WDR27: variants seen among roughly 807,000 people sequenced by gnomAD.
The protein encoded by WDR27 is WD repeat-containing protein 27.
WDR27 carries 100 observed loss-of-function variants against 114.4 expected under a neutral mutation model. The observed-to-expected ratio is 0.87, with a 90% CI of 0.74 to 1.03. WDR27 has a LOEUF of 1.03. Among genes scored for constraint, WDR27 ranks in the 50% least tolerant of loss-of-function variants. The pLI is 0.00. For missense variants in WDR27, 1,129 were observed against 1,092.9 expected, an observed-to-expected ratio of 1.03 and a Z score of -0.47; for synonymous variants, 449 against 423.1, an observed-to-expected ratio of 1.06 and a Z score of -0.75.
intron 21 of WDR27, among the ~76,000 whole-genome samples, chr6:169,624,288 G>A (rs977515382): frequency 6.6e-6 from 1 of 152,104 alleles, no homozygotes; most frequent in Non-Finnish European, 1.5e-5. Context: ...CAGGTGTGTG[G>A]CGTCAGGTGT....
intron 24 of WDR27, among the ~76,000 whole-genome samples, chr6:169,573,590 G>T (rs1402054958): frequency 7.9e-5 from 12 of 152,134 alleles, no homozygotes; most frequent in Non-Finnish European, 1.8e-4. Context: ...TAGACCGAGG[G>T]ATGACTGTAA....
chr6:169,502,644 C>T (rs1375768293), intron 25 of WDR27, among the ~76,000 whole-genome samples: 18 of 152,126 alleles, frequency 1.2e-4, no homozygotes, highest in Non-Finnish European at 2.5e-4. Flanking sequence ...GAGGCGGAAG[C>T]GTCTCGTCTC....
At chr6:169,594,579 A>G (rs1806406893) in intron 23 of WDR27, among the ~76,000 whole-genome samples, 1 of 152,138 alleles carries the variant, frequency 6.6e-6, no homozygotes. Flanking sequence ...ACCTTGTGAA[A>G]TTTGTTTATT....
At chr6:169,667,019 T>G (rs190246793) in intron 6 of WDR27, 117 bp downstream of exon 6, 1 of 1,302,048 alleles carries the variant, frequency 7.7e-7, no homozygotes, top group Non-Finnish European at 9.8e-7. Flanking sequence ...AAGTCTGAGA[T>G]TGCCTCATTC....
At chr6:169,466,243 G>A (rs1431239009) in intron 25 of WDR27, among the ~76,000 whole-genome samples, 1 of 152,016 alleles carries the variant, frequency 6.6e-6, no homozygotes, top group African/African-American at 2.4e-5. Flanking sequence ...AGCTTAATAA[G>A]GCCAGCTCTC....
chr6:169,610,818 T>C (rs867066619), intron 22 of WDR27, among the ~76,000 whole-genome samples: 1 of 152,286 alleles, frequency 6.6e-6, no homozygotes, highest in Middle Eastern at 3.4e-3. Context: ...CCTTATATTC[T>C]TACTTGTAAG....
At chr6:169,594,270 G>C (rs1806346624) in intron 23 of WDR27, among the ~76,000 whole-genome samples, 1 of 152,254 alleles carries the variant, frequency 6.6e-6, no homozygotes, top group African/African-American at 2.4e-5. Flanking sequence ...TACTTTGATT[G>C]CATTATAGTG....
chr6:169,660,572 G>C (rs1211478301), intron 10 of WDR27, 91 bp downstream of exon 10: 4 of 1,054,018 alleles, frequency 3.8e-6, no homozygotes, highest in Non-Finnish European at 5.8e-6. Flanking sequence ...GATTCACACG[G>C]CAAGGCCTTC....
At position 169,668,140 on chromosome 6, in the gene WDR27, G is replaced by A. The variant is rs1256267145; in HGVS notation, c.502C>T (p.Arg168Cys). The A allele has an allele frequency of 2.3e-5, 37 of 1,613,792 alleles. No homozygotes were observed. The highest frequency in any genetic ancestry group is 1.6e-4 in the Middle Eastern group (1 of 6,084). ...AAGGTCGGTGGTGGGACTTTGTGGC[G>A]GTTATTAACATCAGGACGTTCTATG... ...TYIERPDVNN[R>C]HKVPPPTFLH... The change falls in exon 5 of 26, where the codon CGC becomes TGC. Residue 168 changes from arginine to cysteine, a missense_variant. Coordinates refer to ENST00000448612, the MANE Select transcript of WDR27 (RefSeq NM_182552.5).
At chr6:169,602,343 C>G (rs747267668) in intron 22 of WDR27, 22 bp from the exon 23 acceptor site, 1 of 1,465,830 alleles carries the variant, frequency 6.8e-7, no homozygotes, top group Non-Finnish European at 9.3e-7. Context: ...AAAGAAACAC[C>G]AGGAGAAAAA....
intron 23 of WDR27, among the ~76,000 whole-genome samples, chr6:169,590,465 G>A (rs953796928): frequency 2.0e-5 from 3 of 152,172 alleles, no homozygotes; most frequent in South Asian, 2.1e-4. Context: ...AGACCAAAAC[G>A]TGCAAGATTT....
chr6:169,487,047 C>T (rs1053397135), intron 25 of WDR27, among the ~76,000 whole-genome samples: 14 of 152,200 alleles, frequency 9.2e-5, no homozygotes, highest in Non-Finnish European at 1.3e-4. Flanking sequence ...CTGGGTCCAG[C>T]AGCCTGGATT....
chr6:169,618,640 A>AAC (rs1562712461), intron 21 of WDR27, among the ~76,000 whole-genome samples: 2 of 151,666 alleles, frequency 1.3e-5, no homozygotes, highest in South Asian at 4.2e-4. Flanking sequence ...AAAAAAAAAA[A>AAC]AAAAAAAAAC....
chr6:169,650,082 T>C, intron 14 of WDR27, among the ~76,000 whole-genome samples: 6 of 117,448 alleles, frequency 5.1e-5, no homozygotes, highest in African/African-American at 1.0e-4. Flanking sequence ...CTCATCCATC[T>C]CTCATCTCTG....
chr6:169,565,657 A>G lies in WDR27; in HGVS notation c.2645+6762T>C, dbSNP rs367589104. On this transcript the variant is annotated intron_variant, in intron 25 of 25. Coordinates refer to ENST00000448612, the MANE Select transcript of WDR27 (RefSeq NM_182552.5). ...GTCAATGTTAAAGAACAAGTTTTGT[A>G]AACCAAGTAACATTTTTAAAATTAT... 1.8e-4 allele frequency among the ~76,000 whole-genome samples: 27 copies of G among 152,358 alleles called. No individual in the cohort carries two copies. In the East Asian group the frequency reaches 2.7e-3, roughly 15 times the overall value.
At chr6:169,591,782 C>T (rs527323886) in intron 23 of WDR27, among the ~76,000 whole-genome samples, 299 of 152,250 alleles carry the variant, frequency 2.0e-3, no homozygotes, top group Non-Finnish European at 3.1e-3. Flanking sequence ...ATGCCTAAGG[C>T]AGCAGCAGCT....
At chr6:169,507,209 T>C (rs1792109417) in intron 25 of WDR27, among the ~76,000 whole-genome samples, 1 of 152,262 alleles carries the variant, frequency 6.6e-6, no homozygotes, top group Non-Finnish European at 1.5e-5. Flanking sequence ...AATGTGGACA[T>C]GTGGCATCTA....
intron 22 of WDR27, among the ~76,000 whole-genome samples, chr6:169,608,181 C>T (rs902022784): frequency 6.6e-6 from 1 of 152,166 alleles, no homozygotes; most frequent in Non-Finnish European, 1.5e-5. Flanking sequence ...TTTCTTACAG[C>T]ACTAAAAGCA....
chr6:169,518,221 C>T (rs1793922382), intron 25 of WDR27, among the ~76,000 whole-genome samples: 1 of 152,220 alleles, frequency 6.6e-6, no homozygotes, highest in African/African-American at 2.4e-5. Flanking sequence ...GGCAGCACCC[C>T]ATTCCCACAG....
Sources: gnomAD v4.1 joint callset for allele counts (sites outside exome capture counted in the v4.1 genomes callset) on GRCh38, gnomAD v4.1.1 for gene constraint, MANE v1.5 for transcripts, NCBI Gene and HGNC (gene_info 2026-07-23, HGNC 2026-07-21) for gene names.